UPK1A: variants seen among roughly 807,000 people sequenced by gnomAD.
UPK1A encodes uroplakin 1A, also known as uroplakin-1a.
Under a neutral mutation model 32.3 loss-of-function variants are expected in UPK1A, and 31 were observed. The observed-to-expected ratio is 0.96, with a 90% CI of 0.72 to 1.30. UPK1A has a LOEUF of 1.30. UPK1A is among the 50% of genes most tolerant of loss of function. UPK1A has a pLI of 0.00. For synonymous variants in UPK1A, 135 were observed against 137.1 expected (o/e 0.98, Z 0.11); for missense variants, 340 against 357.4 (o/e 0.95, Z 0.39).
chr19:35,677,789 A>T lies in UPK1A; in HGVS notation c.649-23A>T, dbSNP rs187792019. The T allele has an allele frequency of 4.3e-6, 7 of 1,611,892 alleles. No individual in the cohort carries two copies. In the Admixed American group the frequency reaches 1.2e-4, roughly 27 times the overall value. ...GCTACCCTCATGGGCGTCTTCTCAAACTTCCCCCATCCCCCTGCCCAGGGC... is the reference window on the plus strand; with the variant it reads ...GCTACCCTCATGGGCGTCTTCTCAATCTTCCCCCATCCCCCTGCCCAGGGC... On this transcript the variant is annotated intron_variant, in intron 6 of 7. Coordinates refer to ENST00000617999, the Ensembl canonical transcript of UPK1A.
At chr19:35,673,375 G>T in intron 4 of UPK1A, 63 bp from the exon 5 acceptor site, 1 of 1,611,236 alleles carries the variant, frequency 6.2e-7, no homozygotes, top group Non-Finnish European at 8.5e-7. Flanking sequence ...GCGCGGCGGG[G>T]CGGAGGTCGT....
chr19:35,668,416 GC>G, intron 2 of UPK1A, 37 bp from the exon 3 acceptor site: 2 of 1,612,124 alleles, frequency 1.2e-6, no homozygotes, highest in Non-Finnish European at 1.7e-6. Context: ...AGGGCTGCTG[GC>G]CCCGAGCAGA....
Position 35,668,421 on chromosome 19 carries a change from G to C in UPK1A, c.85-33G>C, listed in dbSNP as rs201826043. 2,025 of 1,612,904 alleles carry C rather than the reference G, an allele frequency of 1.3e-3. 4 individuals carry two copies. Among genetic ancestry groups the C allele is most frequent in the Non-Finnish European group, 1.6e-3 (1,892 of 1,179,732 alleles). On this transcript the variant is annotated intron_variant, in intron 2 of 7. Coordinates refer to ENST00000617999, the Ensembl canonical transcript of UPK1A. ...GCCTGGTGCCAGGGCTGCTGGCCCC[G>C]AGCAGACCTTCCTAACCCACCGCTC... is the stretch of plus-strand genomic sequence containing the variant.
At chr19:35,666,693 C>T in intron 1 of UPK1A, 116 bp from the exon 2 acceptor site, 6 of 1,034,212 alleles carry the variant, frequency 5.8e-6, no homozygotes, top group Non-Finnish European at 8.7e-6. Context: ...ACATCAGTAC[C>T]AGCCTGGGCC....
intron 5 of UPK1A, 139 bp downstream of exon 5, chr19:35,673,684 C>T (rs764087553): frequency 1.1e-5 from 8 of 716,810 alleles, no homozygotes; most frequent in Non-Finnish European, 1.4e-5. Flanking sequence ...AGCAGGGCTG[C>T]GGTCATCACC....
exon 5 of UPK1A, chr19:35,673,439 T>C (rs1224212279): frequency 6.2e-6 from 10 of 1,613,634 alleles, no homozygotes; most frequent in Non-Finnish European, 8.5e-6. Flanking sequence ...TCTCCTCAGA[T>C]GGTGTCCAAC....
intron 2 of UPK1A, 51 bp from the exon 3 acceptor site, chr19:35,668,403 G>A: frequency 4.3e-6 from 7 of 1,609,624 alleles, no homozygotes; most frequent in Non-Finnish European, 5.9e-6. Flanking sequence ...GATGCCTGGT[G>A]CCAGGGCTGC....
chr19:35,677,845 A>G, exon 7 of UPK1A: 8 of 1,611,830 alleles, frequency 5.0e-6, no homozygotes, highest in Non-Finnish European at 6.8e-6. Flanking sequence ...CGCCATCGAC[A>G]GCTACACGTG....
chr19:35,676,692 A>T (rs1197589137), intron 6 of UPK1A, among the ~76,000 whole-genome samples: 2 of 151,212 alleles, frequency 1.3e-5, no homozygotes, highest in Non-Finnish European at 2.9e-5. Context: ...TGAGGTCAAG[A>T]GTTCGAGACC....
chr19:35,672,386 T>C (rs9973243), intron 3 of UPK1A, among the ~76,000 whole-genome samples: 63,206 of 151,976 alleles, frequency 0.42, 14,590 homozygotes, highest in African/African-American at 0.62. Context: ...CTCATCCTCC[T>C]GAGTAGCTGG....
At chr19:35,674,894 TAGTC>T (rs1400330890) in intron 5 of UPK1A, among the ~76,000 whole-genome samples, 3 of 151,842 alleles carry the variant, frequency 2.0e-5, no homozygotes, top group Non-Finnish European at 2.9e-5. Flanking sequence ...ATACAAAAAT[TAGTC>T]AGGTGTAGTA....
At chr19:35,669,077 T>G (rs1968046579) in intron 3 of UPK1A, among the ~76,000 whole-genome samples, 1 of 152,120 alleles carries the variant, frequency 6.6e-6, no homozygotes, top group South Asian at 2.1e-4. Flanking sequence ...CATTTAATAA[T>G]GGTTTACTAC....
intron 5 of UPK1A, among the ~76,000 whole-genome samples, chr19:35,674,860 G>A (rs1968157627): frequency 6.6e-6 from 1 of 151,934 alleles, no homozygotes; most frequent in African/African-American, 2.4e-5. Flanking sequence ...TGGCCAACAT[G>A]GTGAAACCCT....
chr19:35,673,228 C>A lies in UPK1A; in HGVS notation c.286-4C>A. The A allele has an allele frequency of 6.2e-7, 1 of 1,614,100 alleles. No homozygotes were observed. The highest frequency in any genetic ancestry group is 8.5e-7 in the Non-Finnish European group (1 of 1,180,038). ...GACGGGCCGTCCTCCCTCTGTCTCC[C>A]CAGTACCTGGTGCTCATGCTCATCG... On this transcript the variant is annotated splice_region_variant and splice_polypyrimidine_tract_variant and intron_variant, in intron 3 of 7. Coordinates refer to ENST00000617999, the Ensembl canonical transcript of UPK1A.
At chr19:35,669,499 TAAAAAAAAA>T (rs34854874) in intron 3 of UPK1A, among the ~76,000 whole-genome samples, 9 of 116,270 alleles carry the variant, frequency 7.7e-5, no homozygotes, top group Admixed American at 2.9e-4. Context: ...ATCCCATCTC[TAAAAAAAAA>T]AAAAAAAAAA....
chr19:35,670,992 G>A (rs1397883720), intron 3 of UPK1A, among the ~76,000 whole-genome samples: 2 of 151,950 alleles, frequency 1.3e-5, no homozygotes, highest in African/African-American at 4.8e-5. Flanking sequence ...TGGAATTACA[G>A]GCATGAGCCA....
chr19:35,668,464 T>G, exon 3 of UPK1A: 2 of 1,614,158 alleles, frequency 1.2e-6, no homozygotes, highest in Non-Finnish European at 1.7e-6. Context: ...CTGTCAGGCC[T>G]GTCCCTGTTT....
exon 2 of UPK1A, chr19:35,666,818 G>A (rs772358911): frequency 2.4e-5 from 38 of 1,614,016 alleles, no homozygotes; most frequent in Non-Finnish European, 3.1e-5. Context: ...GGATGATGGC[G>A]TCTGCGGCAG....
rs144559702 is a variant in UPK1A at position 35,668,420 on chromosome 19, C to T, written c.85-34C>T. On this transcript the variant is annotated intron_variant, in intron 2 of 7. Coordinates refer to ENST00000617999, the Ensembl canonical transcript of UPK1A. Reference sequence around the variant, plus strand: ...TGCCTGGTGCCAGGGCTGCTGGCCCCGAGCAGACCTTCCTAACCCACCGCT... The same window carrying T: ...TGCCTGGTGCCAGGGCTGCTGGCCCTGAGCAGACCTTCCTAACCCACCGCT... 4.4e-3 allele frequency: 7,066 copies of T among 1,612,986 alleles called. 31 individuals carry two copies. The highest frequency in any genetic ancestry group is 5.4e-3 in the Non-Finnish European group (6,428 of 1,179,822).
Sources: allele counts gnomAD v4.1 joint callset (sites outside exome capture counted in the v4.1 genomes callset), GRCh38; gene constraint gnomAD v4.1.1; transcripts MANE v1.5; gene names NCBI Gene and HGNC (gene_info 2026-07-23, HGNC 2026-07-21).